Variants in NALF1 observed in about 807,000 individuals in gnomAD.
NALF1 encodes family with sequence similarity 155 member A.
Under a neutral mutation model 48.4 loss-of-function variants are expected in NALF1, and 3 were observed. That is an observed-to-expected ratio of 0.06 (90% CI 0.03 to 0.16). NALF1 has a LOEUF of 0.16. NALF1 is among the 10% of genes least tolerant of loss of function. The pLI is 1.00. For missense variants in NALF1, 526 were observed against 571.5 expected, an observed-to-expected ratio of 0.92 and a Z score of 0.81; for synonymous variants, 262 against 245.7, an observed-to-expected ratio of 1.07 and a Z score of -0.62.
rs1280544865 is a variant in NALF1 at position 107,614,919 on chromosome 13, G to T, written c.915+250763C>A. Among the ~76,000 whole-genome samples the T allele has an allele frequency of 3.9e-5, 6 of 152,124 alleles. No homozygotes were observed. The South Asian group carries it at 1.2e-3, about 32-fold the overall frequency. The stretch of plus-strand genomic sequence containing the variant: ...AGCTTCCTGAGTAGCTGGGATTACA[G>T]GCACCCACCACCACATCTGGCTAAT... On this transcript the variant is annotated intron_variant, in intron 1 of 2. Transcript: ENST00000375915.
intron 1 of NALF1, among the ~76,000 whole-genome samples, chr13:107,273,772 C>A (rs759798936): frequency 1.3e-5 from 2 of 152,218 alleles, no homozygotes; most frequent in Admixed American, 1.3e-4. Context: ...ATCCATAGAA[C>A]AGAACAGGGT....
intron 2 of NALF1, among the ~76,000 whole-genome samples, chr13:107,197,918 G>T (rs1367914262): frequency 6.6e-6 from 1 of 152,140 alleles, no homozygotes; most frequent in Non-Finnish European, 1.5e-5. Flanking sequence ...TTAAGGCTGA[G>T]AATTTGAAAG....
chr13:107,601,291 A>G (rs1424422988), intron 1 of NALF1, among the ~76,000 whole-genome samples: 1 of 152,180 alleles, frequency 6.6e-6, no homozygotes. Flanking sequence ...CAATGTAAGA[A>G]TTCCCCTAGA....
chr13:107,667,462 A>T (rs1008943293), intron 1 of NALF1, among the ~76,000 whole-genome samples: 1 of 152,122 alleles, frequency 6.6e-6, no homozygotes, highest in Non-Finnish European at 1.5e-5. Flanking sequence ...TTTAAAATTT[A>T]AAAAGCTGAA....
In NALF1 at chr13:107,552,834, A is replaced by C. The variant is rs1341149365; in HGVS notation, c.915+312848T>G. ...ACAGAATTACATCACATTTTTAGGA[A>C]GTAAAAGATGTGTGCTTTACCAGTG... On this transcript the variant is annotated intron_variant, in intron 1 of 2. Transcript: ENST00000375915. Among the ~76,000 whole-genome samples, 5 of 152,288 alleles carry C rather than the reference A, an allele frequency of 3.3e-5. 1 individual carries two copies. In the South Asian group the frequency reaches 8.3e-4, roughly 25 times the overall value.
chr13:107,725,320 G>A (rs1248566295), intron 1 of NALF1, among the ~76,000 whole-genome samples: 1 of 152,036 alleles, frequency 6.6e-6, no homozygotes, highest in African/African-American at 2.4e-5. Flanking sequence ...TAATTGCCCA[G>A]TAATTATAAT....
intron 1 of NALF1, among the ~76,000 whole-genome samples, chr13:107,363,622 T>C (rs144021216): frequency 6.6e-6 from 1 of 152,312 alleles, no homozygotes; most frequent in Non-Finnish European, 1.5e-5. Context: ...AGTAAATTTA[T>C]TTAATATTAA....
In NALF1 at chr13:107,541,029, A is replaced by C. The variant is rs1363836642; in HGVS notation, c.915+324653T>G. Among the ~76,000 whole-genome samples, 3 of 152,142 alleles carry C rather than the reference A, an allele frequency of 2.0e-5. No individual in the cohort carries two copies. The East Asian group carries it at 5.8e-4, about 29-fold the overall frequency. On this transcript the variant is annotated intron_variant, in intron 1 of 2. Coordinates refer to ENST00000375915, the MANE Select transcript of NALF1 (RefSeq NM_001080396.3). ...GACTTGTTATTAACAAGAATATTAAATGAATTAAAAACAGCTCTGACAGCC... is the reference window on the plus strand; with the variant it reads ...GACTTGTTATTAACAAGAATATTAACTGAATTAAAAACAGCTCTGACAGCC...
chr13:107,294,633 G>T (rs1022339235), intron 1 of NALF1, among the ~76,000 whole-genome samples: 6 of 152,038 alleles, frequency 3.9e-5, no homozygotes, highest in Admixed American at 2.0e-4. Context: ...TACTCATATC[G>T]TCCCCATATT....
At chr13:107,788,806 C>G (rs1261152725) in intron 1 of NALF1, 1 of 151,764 alleles carries the variant, frequency 6.6e-6, no homozygotes, top group East Asian at 1.9e-4. Context: ...AATTTTGTCA[C>G]ATAGACAGAA....
At chr13:107,649,869 C>A (rs1269384282) in intron 1 of NALF1, among the ~76,000 whole-genome samples, 6 of 152,128 alleles carry the variant, frequency 3.9e-5, no homozygotes, top group African/African-American at 1.2e-4. Context: ...AACTAAGCAT[C>A]GTGATTCAAA....
chr13:107,561,780 C>T (rs1029423423), intron 1 of NALF1, among the ~76,000 whole-genome samples: 1 of 152,178 alleles, frequency 6.6e-6, no homozygotes, highest in Non-Finnish European at 1.5e-5. Flanking sequence ...TGTCCATGTC[C>T]CTGTCATAGG....
intron 1 of NALF1, among the ~76,000 whole-genome samples, chr13:107,782,517 G>C (rs560461045): frequency 1.4e-3 from 208 of 150,002 alleles, no homozygotes; most frequent in Non-Finnish European, 2.5e-3. Flanking sequence ...GCCGCCCATC[G>C]TTTGGGATGT....
At chr13:107,678,246 G>T (rs4405424) in intron 1 of NALF1, among the ~76,000 whole-genome samples, 9 of 151,904 alleles carry the variant, frequency 5.9e-5, no homozygotes, top group Admixed American at 3.3e-4. Context: ...ATGGTGAACG[G>T]GAGGGATGAA....
At chr13:107,841,628 G>A (rs1329494382) in intron 1 of NALF1, among the ~76,000 whole-genome samples, 1 of 148,968 alleles carries the variant, frequency 6.7e-6, no homozygotes, top group African/African-American at 2.5e-5. Context: ...AAGAAATGCT[G>A]GAATATCCTT....
intron 1 of NALF1, among the ~76,000 whole-genome samples, chr13:107,545,807 T>A (rs1157276510): frequency 6.6e-6 from 1 of 152,074 alleles, no homozygotes; most frequent in Admixed American, 6.6e-5. Flanking sequence ...TTGGGTGGAT[T>A]CTATGTATGA....
intron 1 of NALF1, among the ~76,000 whole-genome samples, chr13:107,821,404 C>T (rs866765757): frequency 6.6e-6 from 1 of 152,116 alleles, no homozygotes; most frequent in African/African-American, 2.4e-5. Context: ...AGATGACGCA[C>T]CCTTTGAGAT....
At chr13:107,720,241 G>A (rs1875942550) in intron 1 of NALF1, among the ~76,000 whole-genome samples, 1 of 152,178 alleles carries the variant, frequency 6.6e-6, no homozygotes, top group Non-Finnish European at 1.5e-5. Context: ...GCTGGGCACG[G>A]TGGCTCATGC....
intron 1 of NALF1, among the ~76,000 whole-genome samples, chr13:107,389,591 T>C (rs1883587210): frequency 6.6e-6 from 1 of 152,142 alleles, no homozygotes; most frequent in African/African-American, 2.4e-5. Flanking sequence ...ACCAAGGTTG[T>C]GATACTTTAC....
Sources: allele counts gnomAD v4.1 joint callset (sites outside exome capture counted in the v4.1 genomes callset), GRCh38; gene constraint gnomAD v4.1.1; transcripts MANE v1.5; gene names NCBI Gene and HGNC (gene_info 2026-07-23, HGNC 2026-07-21).